The following ABCA5 variants were observed in gnomAD, a reference collection of about 807,000 sequenced individuals.
The protein encoded by ABCA5 is ATP binding cassette subfamily A member 5.
In ABCA5, 163 loss-of-function variants were observed where a neutral mutation model predicts 206.0. That is an observed-to-expected ratio of 0.79 (90% CI 0.70 to 0.90). ABCA5 has a LOEUF of 0.90. Ranked by LOEUF, ABCA5 falls within the 40% of genes least tolerant of loss-of-function variation. The pLI is 0.00. For missense variants in ABCA5, 1,859 were observed against 1,912.9 expected (o/e 0.97, Z 0.53); for synonymous variants, 609 against 613.8 (o/e 0.99, Z 0.11).
Position 69,293,164 on chromosome 17 carries a change from T to TACACACACAC in ABCA5, c.1495+1481_1495+1490dup, listed in dbSNP as rs141471808. Reference sequence around the variant, plus strand: ...CAGTCAGTCTCCAGAACCAACAGAATACACACACACACACACACAATGGAG... The same window carrying TACACACACAC: ...CAGTCAGTCTCCAGAACCAACAGAATACACACACACACACACACACACACACACAATGGAG... On this transcript the variant is annotated intron_variant, in intron 11 of 38. Coordinates refer to ENST00000392676, the MANE Select transcript of ABCA5 (RefSeq NM_172232.4). Among the ~76,000 whole-genome samples the TACACACACAC allele has an allele frequency of 7.4e-4, 111 of 149,974 alleles. 1 individual carries two copies. Among genetic ancestry groups the TACACACACAC allele is most frequent in the African/African-American group, 2.4e-3 (97 of 40,992 alleles).
At position 69,294,693 on chromosome 17, in the gene ABCA5, G is replaced by A; in HGVS notation, c.1457C>T (p.Thr486Ile). The change falls in exon 11 of 39, where the codon ACA (threonine) becomes ATA (isoleucine). Residue 486 changes from threonine (T) to isoleucine (I), a missense_variant. Physicochemically the swap from Thr to Ile is moderately conservative, Grantham distance 89. Coordinates refer to ENST00000392676, the MANE Select transcript of ABCA5 (RefSeq NM_172232.4). ...EAIRISGIQKTYRKKGENVEA... is the reference protein window; with the variant it reads ...EAIRISGIQKIYRKKGENVEA... ...CACATTTTCACCCTTCTTTCTGTAT[G>A]TCTTCTGAATACCACTAATTCTGAA... 1.9e-6 allele frequency: 3 copies of A among 1,605,534 alleles called. No individual in the cohort carries two copies. The highest frequency in any genetic ancestry group is 2.6e-6 in the Non-Finnish European group (3 of 1,174,276).
intron 6 of ABCA5, 88 bp from the exon 7 acceptor site, chr17:69,304,898 G>T: frequency 1.6e-6 from 2 of 1,239,976 alleles, no homozygotes; most frequent in Non-Finnish European, 2.1e-6. Context: ...TTAGATTTTA[G>T]CCATTTTATT....
chr17:69,263,981 C>A (rs1490645514), intron 24 of ABCA5, among the ~76,000 whole-genome samples: 1 of 152,104 alleles, frequency 6.6e-6, no homozygotes, highest in Non-Finnish European at 1.5e-5. Flanking sequence ...TAGGCATGAG[C>A]CCCCGCGCCC....
intron 19 of ABCA5, among the ~76,000 whole-genome samples, chr17:69,276,372 C>A (rs1401669193): frequency 6.6e-6 from 1 of 152,124 alleles, no homozygotes; most frequent in Non-Finnish European, 1.5e-5. Flanking sequence ...CAAGCTTGAG[C>A]CACCGAGCCC....
chr17:69,308,457 A>T (rs935238449), intron 4 of ABCA5, 89 bp from the exon 5 acceptor site: 6 of 817,926 alleles, frequency 7.3e-6, no homozygotes, highest in African/African-American at 1.7e-5. Context: ...TACCTACCAA[A>T]ACAATATAAT....
intron 19 of ABCA5, 137 bp from the exon 20 acceptor site, chr17:69,274,265 C>A: frequency 1.7e-5 from 13 of 777,896 alleles, no homozygotes; most frequent in Admixed American, 3.3e-5. Flanking sequence ...GTCACCCAGG[C>A]TGGAGTGTAA....
At chr17:69,269,194 T>C (rs987396601) in intron 22 of ABCA5, among the ~76,000 whole-genome samples, 2 of 152,208 alleles carry the variant, frequency 1.3e-5, no homozygotes, top group Admixed American at 6.5e-5. Flanking sequence ...TACAGACATA[T>C]GTAGTAACAT....
chr17:69,302,654 T>C, intron 8 of ABCA5, 64 bp downstream of exon 8: 1 of 1,169,448 alleles, frequency 8.6e-7, no homozygotes, highest in South Asian at 2.8e-5. Flanking sequence ...TTCATGGTAG[T>C]ATAAGAAGCT....
At chr17:69,277,298 T>C (rs1322474926) in intron 19 of ABCA5, among the ~76,000 whole-genome samples, 2 of 152,122 alleles carry the variant, frequency 1.3e-5, no homozygotes, top group African/African-American at 4.8e-5. Flanking sequence ...TAAGATACAA[T>C]GGGGAGTGTA....
chr17:69,313,034 G>C, intron 3 of ABCA5, 58 bp downstream of exon 3: 3 of 1,183,760 alleles, frequency 2.5e-6, no homozygotes, highest in Admixed American at 5.3e-5. Flanking sequence ...AAAGCAAGCT[G>C]ATAAATATTG....
In ABCA5 at chr17:69,282,361, C is replaced by T. The variant is rs563767454; in HGVS notation, c.2392+1592G>A. On this transcript the variant is annotated intron_variant, in intron 18 of 38. Transcript: ENST00000392676. ...ATTCTTATCTACACTCCTTACCCAA[C>T]TAAGAGATTTCATCCAATTCCATAG... Among the ~76,000 whole-genome samples, 91 of 152,294 alleles carry T rather than the reference C, an allele frequency of 6.0e-4. 2 individuals carry two copies. In the South Asian group the frequency reaches 0.019, roughly 31 times the overall value.
chr17:69,270,438 C>T (rs369859325), intron 22 of ABCA5, among the ~76,000 whole-genome samples, 175 bp downstream of exon 22: 124 of 152,132 alleles, frequency 8.2e-4, no homozygotes, highest in African/African-American at 2.9e-3. Context: ...CTGAAACATA[C>T]TTCTACTGGG....
At chr17:69,292,224 A>C (rs1018363738) in intron 11 of ABCA5, among the ~76,000 whole-genome samples, 5 of 152,204 alleles carry the variant, frequency 3.3e-5, no homozygotes, top group Non-Finnish European at 5.9e-5. Context: ...AAGGGAACTC[A>C]ACAACTAAAC....
chr17:69,316,321 C>A (rs2075815269), intron 1 of ABCA5, among the ~76,000 whole-genome samples: 1 of 151,976 alleles, frequency 6.6e-6, no homozygotes, highest in African/African-American at 2.4e-5. Flanking sequence ...GGTAAAACCC[C>A]ATCTCTACTA....
chr17:69,314,758 G>C (rs1598207868), intron 1 of ABCA5: 2 of 200,418 alleles, frequency 1.0e-5, no homozygotes, highest in Non-Finnish European at 1.0e-5. Context: ...ATGGGCAAGG[G>C]AAGTCTTAAT....
chr17:69,261,350 T>C, intron 25 of ABCA5, 91 bp from the exon 26 acceptor site: 1 of 1,202,180 alleles, frequency 8.3e-7, no homozygotes, highest in Non-Finnish European at 1.2e-6. Flanking sequence ...TTTTCAATCC[T>C]CTAATAAAAC....
chr17:69,318,384 C>T (rs371238016), intron 1 of ABCA5, among the ~76,000 whole-genome samples: 37 of 152,006 alleles, frequency 2.4e-4, no homozygotes, highest in Admixed American at 2.2e-3. Flanking sequence ...AGTGAGCCAC[C>T]GTGCCTGGTC....
chr17:69,263,960 T>A (rs57758461), intron 24 of ABCA5, among the ~76,000 whole-genome samples: 1 of 151,966 alleles, frequency 6.6e-6, no homozygotes, highest in Non-Finnish European at 1.5e-5. Context: ...TCTCCCAGAG[T>A]GCTGGGATTA....
chr17:69,255,974 A>G, intron 29 of ABCA5, 124 bp from the exon 30 acceptor site: 1 of 1,105,224 alleles, frequency 9.0e-7, no homozygotes. Flanking sequence ...TGTACAAATA[A>G]ATATCCATTT....
Sources: allele counts gnomAD v4.1 joint callset (sites outside exome capture counted in the v4.1 genomes callset), GRCh38; gene constraint gnomAD v4.1.1; transcripts MANE v1.5; gene names NCBI Gene and HGNC (gene_info 2026-07-23, HGNC 2026-07-21).